Variants in FAM169A observed in about 807,000 individuals in gnomAD.
FAM169A encodes the protein soluble lamin-associated protein of 75 kDa.
In FAM169A, 24 loss-of-function variants were observed where a neutral mutation model predicts 75.7. The observed-to-expected ratio is 0.32, with a 90% CI of 0.23 to 0.45. The LOEUF is 0.45. FAM169A is among the 20% of genes least tolerant of loss of function. FAM169A has a pLI of 1.00. For synonymous variants in FAM169A, 271 were observed against 271.0 expected (o/e 1.00, Z 0.00); for missense variants, 673 against 784.0 (o/e 0.86, Z 1.69).
chr5:74,830,284 A>G (rs1438567870), intron 5 of FAM169A, among the ~76,000 whole-genome samples: 3 of 152,202 alleles, frequency 2.0e-5, no homozygotes, highest in African/African-American at 7.2e-5. Flanking sequence ...AGAAAGAAGT[A>G]AACTATAACT....
chr5:74,865,539 C>T (rs1750276900), intron 1 of FAM169A: 3 of 152,314 alleles, frequency 2.0e-5, no homozygotes, highest in Admixed American at 2.0e-4. Context: ...TTCAAGGCTT[C>T]ACCTCCTGAG....
intron 5 of FAM169A, among the ~76,000 whole-genome samples, chr5:74,822,879 G>C (rs1336657139): frequency 1.3e-5 from 2 of 151,946 alleles, no homozygotes; most frequent in Non-Finnish European, 1.5e-5. Flanking sequence ...CCAAGCCAAA[G>C]CCATTCAGAT....
intron 7 of FAM169A, 116 bp downstream of exon 7, chr5:74,805,040 C>T: frequency 1.2e-6 from 1 of 826,498 alleles, no homozygotes. Context: ...CCACTCTGGA[C>T]TCTAAGACAC....
At position 74,777,948 on chromosome 5, in the gene FAM169A, G is replaced by A. The variant is rs765527881; in HGVS notation, c.*3512C>T. On this transcript the variant is annotated 3_prime_UTR_variant, in exon 13 of 13. Transcript: ENST00000687041. Reference sequence around the variant, plus strand: ...TAGTTCCTTGGAAATGACGATCCAGGATGATACAATCACTTGATGACAGAA... The same window carrying A: ...TAGTTCCTTGGAAATGACGATCCAGAATGATACAATCACTTGATGACAGAA... 14 of 152,024 alleles carry A rather than the reference G, an allele frequency of 9.2e-5. No individual in the cohort carries two copies. Among genetic ancestry groups the A allele is most frequent in the Non-Finnish European group, 1.6e-4 (11 of 67,894 alleles). The allele number at this position is 152,024 out of a possible 1,614,324, so 9.4% of individuals were successfully genotyped here.
At chr5:74,801,919 T>C (rs1561296314) in intron 8 of FAM169A, among the ~76,000 whole-genome samples, 1 of 152,296 alleles carries the variant, frequency 6.6e-6, no homozygotes, top group South Asian at 2.1e-4. Flanking sequence ...TATGCTTACT[T>C]CAGTATCTGC....
chr5:74,801,132 T>C (rs1389079558), intron 9 of FAM169A, 102 bp from the exon 10 acceptor site: 2 of 840,924 alleles, frequency 2.4e-6, no homozygotes, highest in Non-Finnish European at 1.7e-6. Context: ...TTTACACATA[T>C]CCTCCACATT....
rs1035584131 is a variant in FAM169A at position 74,838,956 on chromosome 5, T to A, written c.318+9A>T. ...AAAAGAAACACTCAAAATTAGAGGA[T>A]CTTGTTACCTGCTTAAGCCCCTCTC... On this transcript the variant is annotated intron_variant, in intron 4 of 12. Coordinates refer to ENST00000687041, the MANE Select transcript of FAM169A (RefSeq NM_001376049.1). 4 of 1,595,950 alleles carry A rather than the reference T, an allele frequency of 2.5e-6. No homozygotes were observed. The highest frequency in any genetic ancestry group is 3.4e-6 in the Non-Finnish European group (4 of 1,163,496).
chr5:74,795,705 T>C (rs956551945), intron 11 of FAM169A, among the ~76,000 whole-genome samples: 7 of 152,208 alleles, frequency 4.6e-5, no homozygotes, highest in Non-Finnish European at 7.3e-5. Flanking sequence ...GTAGATCTTA[T>C]ATCATTTGTG....
At chr5:74,799,705 C>G in intron 10 of FAM169A, 1 of 1,247,354 alleles carries the variant, frequency 8.0e-7, no homozygotes, top group South Asian at 1.2e-5. Flanking sequence ...AAAAAGTGTG[C>G]ATGTCTCAAT....
At chr5:74,810,871 G>C (rs1747154825) in intron 6 of FAM169A, among the ~76,000 whole-genome samples, 1 of 144,400 alleles carries the variant, frequency 6.9e-6, no homozygotes, top group Admixed American at 7.0e-5. Context: ...CCTGAGTCTG[G>C]AGTGCAGTGG....
chr5:74,778,090 T>C lies in FAM169A; in HGVS notation c.*3370A>G, dbSNP rs1745211933. ...AAAAATACTGACTCCAGGTAATTTC[T>C]GGATACTACAAAAATGAAGTTTGCT... On this transcript the variant is annotated 3_prime_UTR_variant, in exon 13 of 13. Coordinates refer to ENST00000687041, the MANE Select transcript of FAM169A (RefSeq NM_001376049.1). The C allele has an allele frequency of 6.6e-6, 1 of 152,074 alleles. No homozygotes were observed. The highest frequency in any genetic ancestry group is 2.4e-5 in the African/African-American group (1 of 41,448). The allele number at this position is 152,074 out of a possible 1,614,324, so 9.4% of individuals were successfully genotyped here.
chr5:74,782,040 C>T, intron 12 of FAM169A, 32 bp from the exon 13 acceptor site: 1 of 1,521,256 alleles, frequency 6.6e-7, no homozygotes, highest in Non-Finnish European at 9.0e-7. Context: ...AACAAATAAA[C>T]TTGTACTACA....
At chr5:74,810,816 GCC>G (rs1266854874) in intron 6 of FAM169A, among the ~76,000 whole-genome samples, 1 of 115,226 alleles carries the variant, frequency 8.7e-6, no homozygotes, top group Non-Finnish European at 1.7e-5. Context: ...ATAGATATTT[GCC>G]CTTTTTTTTT....
chr5:74,808,441 A>G (rs1015990881), intron 6 of FAM169A, among the ~76,000 whole-genome samples: 2 of 152,186 alleles, frequency 1.3e-5, no homozygotes, highest in African/African-American at 4.8e-5. Context: ...TCATAGGGAC[A>G]GAAAGCAGAA....
In FAM169A at chr5:74,838,822, G is replaced by A. The variant is rs568361281; in HGVS notation, c.318+143C>T. ...TGGAGGAAGCCCAACCCGAATGCTG[G>A]CTTCATCGTAAGAATGAAATTCTAG... On this transcript the variant is annotated intron_variant, in intron 4 of 12. Transcript: ENST00000687041. 9.2e-5 allele frequency: 63 copies of A among 681,088 alleles called. No individual in the cohort carries two copies. The East Asian group carries it at 1.5e-3, about 17-fold the overall frequency. The allele number at this position is 681,088 out of a possible 1,614,324, so 42.2% of individuals were successfully genotyped here.
At chr5:74,791,962 T>G (rs1745999943) in intron 11 of FAM169A, among the ~76,000 whole-genome samples, 2 of 152,248 alleles carry the variant, frequency 1.3e-5, no homozygotes, top group Non-Finnish European at 2.9e-5. Flanking sequence ...TGTATACATT[T>G]GTACTAAGAA....
chr5:74,862,985 T>A (rs1455234149), intron 1 of FAM169A, among the ~76,000 whole-genome samples: 6 of 148,560 alleles, frequency 4.0e-5, no homozygotes, highest in Admixed American at 6.8e-5. Flanking sequence ...AAAACTAGCA[T>A]CTTATTGGAA....
At chr5:74,826,885 T>G (rs1371423694) in intron 5 of FAM169A, among the ~76,000 whole-genome samples, 1 of 152,216 alleles carries the variant, frequency 6.6e-6, no homozygotes, top group African/African-American at 2.4e-5. Flanking sequence ...TGCATTTAGT[T>G]TAATATATCC....
chr5:74,812,533 G>A (rs1381689687), intron 6 of FAM169A, among the ~76,000 whole-genome samples: 1 of 151,738 alleles, frequency 6.6e-6, no homozygotes, highest in Non-Finnish European at 1.5e-5. Context: ...TCCCACCTCA[G>A]CCTTTGGAGT....
Sources: allele counts gnomAD v4.1 joint callset (sites outside exome capture counted in the v4.1 genomes callset), GRCh38; gene constraint gnomAD v4.1.1; transcripts MANE v1.5; gene names NCBI Gene and HGNC (gene_info 2026-07-23, HGNC 2026-07-21).